Variants in DLGAP1 observed in about 807,000 individuals in gnomAD.
DLGAP1 encodes disks large-associated protein 1.
Under a neutral mutation model 90.8 loss-of-function variants are expected in DLGAP1, and 11 were observed. The observed-to-expected ratio is 0.12, with a 90% confidence interval of 0.08 to 0.20. DLGAP1 has a LOEUF of 0.20. Among genes scored for constraint, DLGAP1 ranks in the 10% least tolerant of loss-of-function variants. The pLI, the probability that DLGAP1 is intolerant of heterozygous loss-of-function variation, is 1.00. For missense variants in DLGAP1, 1,050 were observed against 1,333.8 expected, an observed-to-expected ratio of 0.79 and a Z score of 3.31; for synonymous variants, 558 against 540.7, an observed-to-expected ratio of 1.03 and a Z score of -0.44.
intron 3 of DLGAP1, among the ~76,000 whole-genome samples, chr18:3,989,489 GA>G (rs1298207649): frequency 6.6e-6 from 1 of 152,208 alleles, no homozygotes; most frequent in Non-Finnish European, 1.5e-5. Context: ...ACTCGTCAGG[GA>G]TGACAAATGA....
rs150243140 is a variant in DLGAP1 at position 4,193,406 on chromosome 18, C to T, written c.-266-42119G>A. On this transcript the variant is annotated intron_variant, in intron 1 of 12. Transcript: ENST00000315677. The stretch of plus-strand genomic sequence containing the variant: ...TGCAATTTGTCCCATCCAAATAGAA[C>T]GGCCTAGAGAAACTCTGTGGCTGTA... 1.8e-3 allele frequency among the ~76,000 whole-genome samples: 276 copies of T among 151,980 alleles called. 1 individual carries two copies. The highest frequency in any genetic ancestry group is 0.01 in the Middle Eastern group (3 of 294).
chr18:4,266,769 A>C (rs2079139636), intron 1 of DLGAP1, among the ~76,000 whole-genome samples: 1 of 152,264 alleles, frequency 6.6e-6, no homozygotes. Context: ...AACAATGATC[A>C]AAAATCAACT....
At chr18:4,271,404 A>G (rs73376956) in intron 1 of DLGAP1, among the ~76,000 whole-genome samples, 17,867 of 152,196 alleles carry the variant, frequency 0.12, 1,967 homozygotes, top group African/African-American at 0.29. Flanking sequence ...AGGCAATCTT[A>G]GAGAAACATA....
intron 2 of DLGAP1, among the ~76,000 whole-genome samples, chr18:4,068,524 TTTAGA>T (rs1243985005): frequency 1.3e-5 from 2 of 152,102 alleles, no homozygotes; most frequent in African/African-American, 4.8e-5. Flanking sequence ...GATTTAGATG[TTTAGA>T]TTATTTTTGG....
At chr18:3,626,681 G>A (rs190172746) in intron 7 of DLGAP1, among the ~76,000 whole-genome samples, 28 of 151,948 alleles carry the variant, frequency 1.8e-4, no homozygotes, top group Middle Eastern at 3.4e-3. Flanking sequence ...GGAGGTGGGC[G>A]GATCACTTGA....
At chr18:3,907,969 G>A (rs993248860) in intron 3 of DLGAP1, among the ~76,000 whole-genome samples, 13 of 152,196 alleles carry the variant, frequency 8.5e-5, no homozygotes, top group Non-Finnish European at 1.9e-4. Context: ...ACTGTAATTG[G>A]AGCCTTAAGA....
At chr18:4,368,373 G>C (rs1308536981) in intron 1 of DLGAP1, among the ~76,000 whole-genome samples, 1 of 152,106 alleles carries the variant, frequency 6.6e-6, no homozygotes, top group Admixed American at 6.6e-5. Context: ...TTTTTTATAA[G>C]ATCAAAGTTT....
chr18:4,436,526 A>G (rs2083401849), intron 1 of DLGAP1, among the ~76,000 whole-genome samples: 1 of 152,026 alleles, frequency 6.6e-6, no homozygotes, highest in Non-Finnish European at 1.5e-5. Flanking sequence ...TTATCCCTAA[A>G]TGGACACTAA....
intron 1 of DLGAP1, among the ~76,000 whole-genome samples, chr18:4,410,551 C>A (rs1400367478): frequency 2.6e-5 from 4 of 151,968 alleles, no homozygotes; most frequent in African/African-American, 9.7e-5. Context: ...CTATATATAA[C>A]AGAACTCTCA....
At chr18:3,530,981 C>T (rs1041678158) in intron 10 of DLGAP1, among the ~76,000 whole-genome samples, 1 of 152,050 alleles carries the variant, frequency 6.6e-6, no homozygotes, top group Non-Finnish European at 1.5e-5. Context: ...AGAGTGGACA[C>T]AGTGAAGATA....
At chr18:3,631,100 C>A (rs933579003) in intron 7 of DLGAP1, among the ~76,000 whole-genome samples, 14 of 151,980 alleles carry the variant, frequency 9.2e-5, no homozygotes, top group Non-Finnish European at 5.9e-5. Flanking sequence ...CCTGTCTCAG[C>A]CTCCCAAGTA....
chr18:4,042,678 T>C (rs2074993537), intron 2 of DLGAP1, among the ~76,000 whole-genome samples: 1 of 152,150 alleles, frequency 6.6e-6, no homozygotes, highest in South Asian at 2.1e-4. Context: ...AGGCGAAGGT[T>C]GCAATAAGCC....
At chr18:3,820,555 AT>A (rs1242574894) in intron 4 of DLGAP1, among the ~76,000 whole-genome samples, 1 of 152,212 alleles carries the variant, frequency 6.6e-6, no homozygotes, top group Admixed American at 6.5e-5. Flanking sequence ...AGCACAAGGT[AT>A]TTCAATGACA....
At chr18:4,003,105 G>C (rs896322612) in intron 3 of DLGAP1, among the ~76,000 whole-genome samples, 1 of 152,162 alleles carries the variant, frequency 6.6e-6, no homozygotes, top group African/African-American at 2.4e-5. Flanking sequence ...GGGTGGTAGA[G>C]GATAAGTCTT....
chr18:3,825,005 AG>A (rs2148509731), intron 4 of DLGAP1, among the ~76,000 whole-genome samples: 1 of 152,292 alleles, frequency 6.6e-6, no homozygotes, highest in East Asian at 1.9e-4. Context: ...TTGCCTCTTG[AG>A]GGTGTGTACT....
At chr18:3,652,972 A>G (rs1791371) in intron 7 of DLGAP1, among the ~76,000 whole-genome samples, 52,860 of 151,992 alleles carry the variant, frequency 0.35, 11,185 homozygotes, top group African/African-American at 0.61. Flanking sequence ...AAGAGTTTCC[A>G]GCTCGGGTGG....
chr18:4,223,805 A>G (rs2078129378), intron 1 of DLGAP1, among the ~76,000 whole-genome samples: 1 of 152,168 alleles, frequency 6.6e-6, no homozygotes, highest in African/African-American at 2.4e-5. Context: ...CCCAGTCTAT[A>G]CAGAGAACAG....
chr18:3,880,417 T>A (rs1568276277), intron 3 of DLGAP1, among the ~76,000 whole-genome samples: 1 of 152,134 alleles, frequency 6.6e-6, no homozygotes, highest in East Asian at 2.0e-4. Flanking sequence ...GCTCAAGCTG[T>A]CCTCCCACTT....
At chr18:3,918,071 C>T (rs2072186606) in intron 3 of DLGAP1, among the ~76,000 whole-genome samples, 1 of 152,140 alleles carries the variant, frequency 6.6e-6, no homozygotes, top group Admixed American at 6.5e-5. Flanking sequence ...TGACAATGAA[C>T]TAGAGGATCT....
Sources: allele counts gnomAD v4.1 joint callset (sites outside exome capture counted in the v4.1 genomes callset), GRCh38; gene constraint gnomAD v4.1.1; transcripts MANE v1.5; gene names NCBI Gene and HGNC (gene_info 2026-07-23, HGNC 2026-07-21).